CRYL1: variants seen among roughly 807,000 people sequenced by gnomAD.
CRYL1 encodes the protein lambda-crystallin homolog.
CRYL1 carries 29 observed loss-of-function variants against 36.6 expected under a neutral mutation model. The ratio of observed to expected loss-of-function variants is 0.79; its 90% confidence interval spans 0.59 to 1.08. The LOEUF is 1.08. CRYL1 is among the 50% of genes least tolerant of loss of function. CRYL1 has a pLI of 0.00. For synonymous variants in CRYL1, 152 were observed against 151.5 expected (o/e 1.00, Z -0.02); for missense variants, 411 against 407.9 (o/e 1.01, Z -0.06).
chr13:20,444,383 A>G (rs1316739277), intron 3 of CRYL1, among the ~76,000 whole-genome samples: 1 of 152,230 alleles, frequency 6.6e-6, no homozygotes, highest in Non-Finnish European at 1.5e-5. Flanking sequence ...AAATCAGTGT[A>G]GACTGAGTTT....
chr13:20,510,140 C>A (rs1189701796), intron 2 of CRYL1, among the ~76,000 whole-genome samples: 1 of 152,228 alleles, frequency 6.6e-6, no homozygotes, highest in Non-Finnish European at 1.5e-5. Flanking sequence ...ACCATCCAAT[C>A]TAGCAATTGT....
At chr13:20,417,394 G>A (rs1217248786) in intron 5 of CRYL1, among the ~76,000 whole-genome samples, 1 of 152,192 alleles carries the variant, frequency 6.6e-6, no homozygotes, top group Non-Finnish European at 1.5e-5. Context: ...CTTATAATAG[G>A]TGACGGGCAA....
intron 3 of CRYL1, among the ~76,000 whole-genome samples, chr13:20,443,338 C>T (rs1459448123): frequency 2.0e-5 from 3 of 152,140 alleles, no homozygotes; most frequent in Non-Finnish European, 4.4e-5. Flanking sequence ...AAAAAAAATT[C>T]TGTCAAGTTT....
intron 2 of CRYL1, among the ~76,000 whole-genome samples, chr13:20,498,995 G>C (rs959774584): frequency 6.6e-6 from 1 of 152,096 alleles, no homozygotes; most frequent in East Asian, 1.9e-4. Flanking sequence ...CAGCTATTAG[G>C]TTCCCTGAAG....
chr13:20,454,829 A>T (rs941288963), intron 3 of CRYL1, among the ~76,000 whole-genome samples: 3 of 151,878 alleles, frequency 2.0e-5, no homozygotes, highest in Admixed American at 2.0e-4. Context: ...TAATGGTGAA[A>T]AATTCAAGGC....
chr13:20,448,558 G>A (rs1286661705), intron 3 of CRYL1, among the ~76,000 whole-genome samples: 2 of 152,262 alleles, frequency 1.3e-5, no homozygotes, highest in South Asian at 4.1e-4. Flanking sequence ...ATTGAAAGCA[G>A]TAAGAGGAAA....
intron 2 of CRYL1, among the ~76,000 whole-genome samples, chr13:20,500,746 G>C (rs760035342): frequency 1.3e-5 from 2 of 152,202 alleles, no homozygotes; most frequent in Non-Finnish European, 2.9e-5. Flanking sequence ...GAAGGAGACA[G>C]AAAGATGGAT....
chr13:20,446,227 T>C (rs2032452372), intron 3 of CRYL1, among the ~76,000 whole-genome samples: 1 of 152,210 alleles, frequency 6.6e-6, no homozygotes, highest in South Asian at 2.1e-4. Context: ...TTCTCCTGCC[T>C]CAACCTCCCG....
At chr13:20,491,135 G>A (rs1199873905) in intron 2 of CRYL1, among the ~76,000 whole-genome samples, 2 of 152,046 alleles carry the variant, frequency 1.3e-5, no homozygotes, top group East Asian at 3.9e-4. Flanking sequence ...TCTAACTCCT[G>A]GGCTCAACTG....
chr13:20,457,158 A>G (rs1461683493), intron 3 of CRYL1, among the ~76,000 whole-genome samples: 1 of 152,070 alleles, frequency 6.6e-6, no homozygotes, highest in African/African-American at 2.4e-5. Flanking sequence ...TCCTCCATCC[A>G]CTGGACCACA....
In CRYL1 at chr13:20,404,889, C is replaced by A. The variant is rs3818618; in HGVS notation, c.740-148G>T. ...CTGTGAAGACAAGACAGAGCTGGGG[C>A]ATGTGTAAGGGCCTGCTGGCACTGG... On this transcript the variant is annotated intron_variant, in intron 6 of 7. Transcript: ENST00000298248. 467,677 of 622,672 alleles carry A rather than the reference C, an allele frequency of 0.75. 176,620 individuals carry two copies. Among genetic ancestry groups the A allele is most frequent in the Admixed American group, 0.85 (31,261 of 36,766 alleles). 38.6% of individuals were successfully genotyped at this position (622,672 alleles called of 1,614,324 possible).
rs939279110 is a variant in CRYL1, at chr13:20,525,208, C to T, written c.41+546G>A. On this transcript the variant is annotated intron_variant, in intron 1 of 7. Transcript: ENST00000298248. This position sits in a 1 kb window ranked among gnomAD's most constrained non-coding sequence, Gnocchi z 4.3. ...TAGGACTGCGTGTATGTTCGCCTAA[C>T]ACCTGCTGCGGCCTCCAGCGACATC... Among the ~76,000 whole-genome samples the T allele has an allele frequency of 6.6e-6, 1 of 152,190 alleles. No homozygotes were observed. Among genetic ancestry groups the T allele is most frequent in the Non-Finnish European group, 1.5e-5 (1 of 68,030 alleles).
chr13:20,492,688 CATTCTTA>C (rs1459599622), intron 2 of CRYL1, among the ~76,000 whole-genome samples: 1 of 152,162 alleles, frequency 6.6e-6, no homozygotes, highest in Non-Finnish European at 1.5e-5. Context: ...CCCATCTTGC[CATTCTTA>C]ATTCAATTAC....
intron 2 of CRYL1, among the ~76,000 whole-genome samples, chr13:20,511,161 T>C (rs988158512): frequency 3.9e-5 from 6 of 152,190 alleles, no homozygotes; most frequent in Admixed American, 3.9e-4. Context: ...CATAGCTCAC[T>C]GTAGCCTGGA....
intron 2 of CRYL1, among the ~76,000 whole-genome samples, chr13:20,492,981 C>G (rs902458148): frequency 1.3e-5 from 2 of 152,204 alleles, no homozygotes; most frequent in Non-Finnish European, 2.9e-5. Flanking sequence ...TCAATGCCCC[C>G]ACCGGTGACC....
chr13:20,515,556 C>CA (rs1449331298), intron 1 of CRYL1, among the ~76,000 whole-genome samples: 3 of 151,274 alleles, frequency 2.0e-5, no homozygotes, highest in African/African-American at 4.9e-5. Context: ...GGTGTGAATG[C>CA]AAAAAACAGC....
intron 3 of CRYL1, among the ~76,000 whole-genome samples, chr13:20,455,886 C>T (rs975647503): frequency 6.6e-6 from 1 of 152,178 alleles, no homozygotes; most frequent in African/African-American, 2.4e-5. Flanking sequence ...CATACTGTTA[C>T]ACTGACACAT....
chr13:20,481,117 G>C lies in CRYL1; in HGVS notation c.276+8253C>G, dbSNP rs1163240389. ...AAGTAAGGGCTGTGGCAGGAAGCTAGTAGAACATTAGGACAGAATGTTTTC... is the reference window on the plus strand; with the variant it reads ...AAGTAAGGGCTGTGGCAGGAAGCTACTAGAACATTAGGACAGAATGTTTTC... On this transcript the variant is annotated intron_variant, in intron 3 of 7. Coordinates refer to ENST00000298248, the MANE Select transcript of CRYL1 (RefSeq NM_015974.3). The surrounding 1 kb of genome is among the most constrained non-coding windows in gnomAD (Gnocchi z 4.1). Among the ~76,000 whole-genome samples the C allele has an allele frequency of 5.3e-5, 8 of 152,236 alleles. No homozygotes were observed. Among genetic ancestry groups the C allele is most frequent in the Non-Finnish European group, 1.0e-4 (7 of 68,048 alleles).
intron 3 of CRYL1, among the ~76,000 whole-genome samples, chr13:20,485,929 G>GTTT (rs1399267131): frequency 6.6e-6 from 1 of 151,424 alleles, no homozygotes; most frequent in Non-Finnish European, 1.5e-5. Context: ...TTGTTTGTTT[G>GTTT]TTTTTTGAGA....
Sources: gnomAD v4.1 joint callset for allele counts (sites outside exome capture counted in the v4.1 genomes callset) on GRCh38, gnomAD v4.1.1 for gene constraint, Gnocchi (gnomAD v3.1) non-coding constraint, MANE v1.5 for transcripts, NCBI Gene and HGNC (gene_info 2026-07-23, HGNC 2026-07-21) for gene names.